TVP23C: variants seen among roughly 807,000 people sequenced by gnomAD.
TVP23C encodes the protein Golgi apparatus membrane protein TVP23 homolog C.
TVP23C carries 19 observed loss-of-function variants against 28.7 expected under a neutral mutation model. That is an observed-to-expected ratio of 0.66 (90% confidence interval 0.46 to 0.97). TVP23C has a LOEUF of 0.97. Among genes scored for constraint, TVP23C ranks in the 50% least tolerant of loss-of-function variants. The probability of loss-of-function intolerance (pLI) is 0.00; values close to 1 mark genes in which losing one functional copy is unlikely to be tolerated. For synonymous variants in TVP23C, 68 were observed against 81.7 expected (o/e 0.83, Z 0.90); for missense variants, 186 against 241.3 (o/e 0.77, Z 1.52).
At chr17:15,509,254 C>T (rs1981900731) in intron 5 of TVP23C, among the ~76,000 whole-genome samples, 1 of 152,184 alleles carries the variant, frequency 6.6e-6, no homozygotes, top group African/African-American at 2.4e-5. Flanking sequence ...CTGGCACCAA[C>T]CAACCAGTCA....
intron 5 of TVP23C, chr17:15,506,904 C>G: frequency 6.3e-6 from 6 of 953,632 alleles, no homozygotes; most frequent in Non-Finnish European, 9.8e-6. Context: ...TCGCCATCAA[C>G]GGGGAGCCCT....
At chr17:15,503,021 G>A (rs1981548868) in exon 6 of TVP23C, 4 of 1,614,164 alleles carry the variant, frequency 2.5e-6, no homozygotes, top group Admixed American at 3.3e-5. Context: ...CGCACGAAGA[G>A]GTGGAGAACT....
At chr17:15,506,864 C>T in intron 5 of TVP23C, 1 of 702,000 alleles carries the variant, frequency 1.4e-6, no homozygotes, top group Non-Finnish European at 2.5e-6. Flanking sequence ...ACACTATCAG[C>T]CGTGGTCAAC....
rs1983267796 is a variant in TVP23C at position 15,538,657 on chromosome 17, A to G, written c.*1755T>C. 1.0e-6 allele frequency: 1 copy of G among 985,264 alleles called. No homozygotes were observed. Among genetic ancestry groups the G allele is most frequent in the Non-Finnish European group, 1.2e-6 (1 of 829,888 alleles). The allele number at this position is 985,264 out of a possible 1,614,324, so 61.0% of individuals were successfully genotyped here. On this transcript the variant is annotated 3_prime_UTR_variant, in exon 6 of 6. Coordinates refer to ENST00000518321, the MANE Select transcript of TVP23C (RefSeq NM_001135036.2). ...AGTAAATCCATGGATACCATCATCC[A>G]CCCAGCTGTCCAGTTTGTCTCATTT...
chr17:15,562,992 A>C (rs1984470129), intron 1 of TVP23C: 1 of 186,860 alleles, frequency 5.4e-6, no homozygotes, highest in African/African-American at 2.3e-5. Flanking sequence ...TAACTCTAAG[A>C]GCACAAAGGA....
intron 3 of TVP23C, among the ~76,000 whole-genome samples, chr17:15,551,122 GT>G (rs3031215): frequency 3.3e-5 from 5 of 150,758 alleles, no homozygotes; most frequent in Non-Finnish European, 7.4e-5. Context: ...TGCCATTATT[GT>G]TTTTTTTTTT....
chr17:15,561,328 G>A (rs1392251547), intron 1 of TVP23C, among the ~76,000 whole-genome samples: 1 of 152,220 alleles, frequency 6.6e-6, no homozygotes, highest in Non-Finnish European at 1.5e-5. Flanking sequence ...GCCGGGCCTG[G>A]CGGCTCACGC....
At chr17:15,544,165 T>C (rs906652363) in intron 5 of TVP23C, among the ~76,000 whole-genome samples, 10 of 151,934 alleles carry the variant, frequency 6.6e-5, no homozygotes, top group Non-Finnish European at 1.3e-4. Context: ...AATGATGGAA[T>C]AGCATCCTCC....
chr17:15,553,070 C>G (rs1289365615), intron 3 of TVP23C, among the ~76,000 whole-genome samples: 14 of 149,690 alleles, frequency 9.4e-5, no homozygotes, highest in African/African-American at 2.5e-5. Flanking sequence ...TTCTTTGTTG[C>G]AGAGGGGCCG....
At chr17:15,518,279 G>A (rs989132746) in intron 5 of TVP23C, among the ~76,000 whole-genome samples, 2 of 151,874 alleles carry the variant, frequency 1.3e-5, no homozygotes, top group Admixed American at 1.3e-4. Flanking sequence ...CCAAATATAA[G>A]GGGGTTCAGA....
At chr17:15,507,604 C>T (rs532920911) in intron 5 of TVP23C, among the ~76,000 whole-genome samples, 9 of 152,102 alleles carry the variant, frequency 5.9e-5, no homozygotes, top group African/African-American at 1.2e-4. Context: ...TTTGGGAGGC[C>T]GACGCAGGCG....
At position 15,525,687 on chromosome 17, in the gene TVP23C, T is replaced by C. The variant is rs541271289; in HGVS notation, c.462+20098A>G. On this transcript the variant is annotated intron_variant, in intron 5 of 5. Transcript: ENST00000225576. Reference sequence around the variant, plus strand: ...CTCCGTGTGTGTGTGTGTGCATGTGTGTGTGCATGCACGCGTGTGCATGCG... The same window carrying C: ...CTCCGTGTGTGTGTGTGTGCATGTGCGTGTGCATGCACGCGTGTGCATGCG... Among the ~76,000 whole-genome samples the C allele has an allele frequency of 6.3e-4, 96 of 152,328 alleles. 1 individual carries two copies. In the South Asian group the frequency reaches 0.02, roughly 31 times the overall value.
chr17:15,525,445 G>A (rs1220728647), intron 5 of TVP23C, among the ~76,000 whole-genome samples: 1 of 152,252 alleles, frequency 6.6e-6, no homozygotes, highest in Admixed American at 6.5e-5. Context: ...TTAACACTGA[G>A]TAAAACAGAT....
chr17:15,554,044 C>G (rs1389844714), intron 2 of TVP23C, among the ~76,000 whole-genome samples: 1 of 152,166 alleles, frequency 6.6e-6, no homozygotes, highest in East Asian at 1.9e-4. Context: ...ACACTATGCA[C>G]AGATGACTTT....
chr17:15,504,281 T>C (rs1981622958), intron 5 of TVP23C, among the ~76,000 whole-genome samples: 1 of 152,156 alleles, frequency 6.6e-6, no homozygotes, highest in African/African-American at 2.4e-5. Flanking sequence ...TCTCCCTCCC[T>C]TTTCCTCTCA....
At chr17:15,518,681 GACTGGGCTCAGTAGAGAAGAGCTCC>G (rs939732932) in intron 5 of TVP23C, among the ~76,000 whole-genome samples, 3 of 152,308 alleles carry the variant, frequency 2.0e-5, no homozygotes, top group South Asian at 4.1e-4. Flanking sequence ...CCATGGCTAA[GACTGGGCTCAGTAGAGAAGAGCTCC>G]ACTGGGCTCA....
Position 15,538,170 on chromosome 17 carries a change from A to C in TVP23C, c.*2242T>G. 1 of 1,613,648 alleles carries C rather than the reference A, an allele frequency of 6.2e-7. No homozygotes were observed. ...TCCAGTGTTCCGCAAAAGACAAAAA[A>C]AGAACTCCTTAACATCAAAGTTATT... On this transcript the variant is annotated 3_prime_UTR_variant, in exon 6 of 6. Transcript: ENST00000518321.
chr17:15,526,052 G>A (rs558520184), intron 5 of TVP23C, among the ~76,000 whole-genome samples: 2 of 152,284 alleles, frequency 1.3e-5, no homozygotes, highest in Non-Finnish European at 2.9e-5. Context: ...ATGTTTGTCT[G>A]CACTGCGTAT....
chr17:15,542,516 A>C (rs1267936239), intron 5 of TVP23C, among the ~76,000 whole-genome samples: 1 of 152,040 alleles, frequency 6.6e-6, no homozygotes, highest in African/African-American at 2.4e-5. Flanking sequence ...TCGCTCTGTC[A>C]CTCAGGCTGG....
Sources: gnomAD v4.1 joint callset for allele counts (sites outside exome capture counted in the v4.1 genomes callset) on GRCh38, gnomAD v4.1.1 for gene constraint, MANE v1.5 for transcripts, NCBI Gene and HGNC (gene_info 2026-07-23, HGNC 2026-07-21) for gene names.